Variants in NKAIN3 observed in about 807,000 individuals in gnomAD.
NKAIN3 encodes the protein sodium/potassium-transporting ATPase subunit beta-1-interacting protein 3.
In NKAIN3, 25 loss-of-function variants were observed where a neutral mutation model predicts 30.2. The ratio of observed to expected loss-of-function variants is 0.83; its 90% CI spans 0.60 to 1.16. The LOEUF (loss-of-function observed/expected upper bound fraction) is 1.16, where lower values mean the gene tolerates loss of function less well. NKAIN3 is among the 50% of genes most tolerant of loss of function. NKAIN3 has a pLI of 0.00. For synonymous variants in NKAIN3, 91 were observed against 89.6 expected (o/e 1.02, Z -0.09); for missense variants, 225 against 254.1 (o/e 0.89, Z 0.78).
At chr8:62,934,129 A>G (rs1822708823) in intron 5 of NKAIN3, among the ~76,000 whole-genome samples, 1 of 152,216 alleles carries the variant, frequency 6.6e-6, no homozygotes, top group Non-Finnish European at 1.5e-5. Flanking sequence ...ACGCACCTGT[A>G]ATCCCAGCAG....
intron 1 of NKAIN3, among the ~76,000 whole-genome samples, chr8:62,320,545 C>G (rs1814843905): frequency 6.6e-6 from 1 of 152,114 alleles, no homozygotes; most frequent in Non-Finnish European, 1.5e-5. Context: ...CAAAATCTCT[C>G]AGCATTTGCT....
intron 1 of NKAIN3, among the ~76,000 whole-genome samples, chr8:62,461,474 T>C (rs1026118837): frequency 1.1e-4 from 17 of 152,270 alleles, no homozygotes; most frequent in African/African-American, 4.1e-4. Context: ...AAGCAATCAA[T>C]AGCAACTATT....
chr8:62,290,251 T>C (rs1813543142), intron 1 of NKAIN3, among the ~76,000 whole-genome samples: 1 of 152,212 alleles, frequency 6.6e-6, no homozygotes, highest in African/African-American at 2.4e-5. Context: ...TCTTGCCTGA[T>C]TTCCCTGGCC....
At chr8:62,994,507 G>A (rs1213853034) in intron 5 of NKAIN3, among the ~76,000 whole-genome samples, 1 of 152,212 alleles carries the variant, frequency 6.6e-6, no homozygotes, top group Non-Finnish European at 1.5e-5. Context: ...ACAGATCAAG[G>A]AAGGAGACAT....
chr8:62,593,946 C>A (rs1264247612), intron 3 of NKAIN3, among the ~76,000 whole-genome samples: 1 of 151,938 alleles, frequency 6.6e-6, no homozygotes, highest in Non-Finnish European at 1.5e-5. Flanking sequence ...CAGATGTTGT[C>A]TTTAATTTCT....
In NKAIN3 at chr8:62,976,215, G is replaced by A. The variant is rs1272664779; in HGVS notation, c.*10808G>A. 6.6e-6 allele frequency among the ~76,000 whole-genome samples: 1 copy of A among 151,672 alleles called. No individual in the cohort carries two copies. The highest frequency in any genetic ancestry group is 2.4e-5 in the African/African-American group (1 of 41,268). ...TCTATTAGGTCTGCTTGGTCAAGAG[G>A]TGAGTTCAAGTCCTGAATATCCTTG... On this transcript the variant is annotated 3_prime_UTR_variant, in exon 7 of 7. Transcript: ENST00000623646.
intron 1 of NKAIN3, among the ~76,000 whole-genome samples, chr8:62,440,051 A>G (rs778154145): frequency 6.6e-6 from 1 of 152,104 alleles, no homozygotes; most frequent in Non-Finnish European, 1.5e-5. Context: ...TTTTAGCCAA[A>G]ATTGGGTCCT....
At chr8:62,557,270 GTA>G (rs1170772723) in intron 1 of NKAIN3, among the ~76,000 whole-genome samples, 1 of 152,072 alleles carries the variant, frequency 6.6e-6, no homozygotes, top group Non-Finnish European at 1.5e-5. Context: ...ATTGCATCAT[GTA>G]TATATACCAC....
chr8:62,618,379 T>C (rs1010644685), intron 3 of NKAIN3, among the ~76,000 whole-genome samples: 5 of 152,122 alleles, frequency 3.3e-5, no homozygotes, highest in African/African-American at 4.8e-5. Flanking sequence ...GATCCAAAAC[T>C]TCATGAGTCG....
chr8:62,517,495 G>A (rs890027231), intron 1 of NKAIN3, among the ~76,000 whole-genome samples: 20 of 152,174 alleles, frequency 1.3e-4, no homozygotes, highest in Admixed American at 5.9e-4. Context: ...AGAGAATACC[G>A]TATGATTTTT....
intron 3 of NKAIN3, among the ~76,000 whole-genome samples, chr8:62,686,720 C>A (rs1241763442): frequency 6.6e-6 from 1 of 152,158 alleles, no homozygotes; most frequent in Non-Finnish European, 1.5e-5. Flanking sequence ...TTACATCTTA[C>A]TTCAAACTAA....
intron 4 of NKAIN3, among the ~76,000 whole-genome samples, chr8:62,764,210 C>G (rs769339511): frequency 6.6e-6 from 1 of 152,162 alleles, no homozygotes; most frequent in Non-Finnish European, 1.5e-5. Flanking sequence ...TGTCAGCTAC[C>G]CTGTACTGAA....
In NKAIN3 at chr8:62,967,985, T is replaced by A. The variant is rs944356982; in HGVS notation, c.*2578T>A. Among the ~76,000 whole-genome samples the A allele has an allele frequency of 1.4e-4, 21 of 152,348 alleles. No individual in the cohort carries two copies. The highest frequency in any genetic ancestry group is 4.6e-4 in the African/African-American group (19 of 41,582). ...GTGATTTGTCTATGAATATTCAATG[T>A]AGGCAACTATTTAATATGGTGTATA... On this transcript the variant is annotated 3_prime_UTR_variant, in exon 7 of 7. Coordinates refer to ENST00000623646, the MANE Select transcript of NKAIN3 (RefSeq NM_001304533.3).
At chr8:62,767,111 G>T (rs1816863667) in intron 4 of NKAIN3, among the ~76,000 whole-genome samples, 1 of 152,006 alleles carries the variant, frequency 6.6e-6, no homozygotes, top group African/African-American at 2.4e-5. Flanking sequence ...TAGTTAGAGA[G>T]CTACACACTT....
At chr8:62,667,160 A>T (rs1475331869) in intron 3 of NKAIN3, among the ~76,000 whole-genome samples, 1 of 81,598 alleles carries the variant, frequency 1.2e-5, no homozygotes, top group African/African-American at 4.9e-5. Flanking sequence ...GGGTGGGGGG[A>T]GGGGAGAGGG....
At chr8:62,296,035 T>C (rs1047303098) in intron 1 of NKAIN3, among the ~76,000 whole-genome samples, 2 of 152,224 alleles carry the variant, frequency 1.3e-5, no homozygotes, top group Non-Finnish European at 2.9e-5. Context: ...TATTGAGTTA[T>C]TTCAAAAATC....
rs534317665 is a variant in NKAIN3, at chr8:62,983,168, G to A, written c.*17761G>A. 5.9e-5 allele frequency: 9 copies of A among 152,140 alleles called. No individual in the cohort carries two copies. Among genetic ancestry groups the A allele is most frequent in the Admixed American group, 1.3e-4 (2 of 15,276 alleles). 9.4% of individuals were successfully genotyped at this position (152,140 alleles called of 1,614,324 possible). ...CTGGGAGACAAATTATGATTGTTGC[G>A]TCCTTCTTTGAAAACACCCCTGCTG... On this transcript the variant is annotated 3_prime_UTR_variant, in exon 7 of 7. Transcript: ENST00000623646.
chr8:62,658,785 A>G (rs1648717264), intron 3 of NKAIN3, among the ~76,000 whole-genome samples: 3 of 152,164 alleles, frequency 2.0e-5, no homozygotes, highest in South Asian at 2.1e-4. Flanking sequence ...AAAGTAAAGT[A>G]TTACTCCTTT....
intron 1 of NKAIN3, among the ~76,000 whole-genome samples, chr8:62,287,304 A>G (rs554136873): frequency 1.3e-5 from 2 of 152,088 alleles, no homozygotes; most frequent in African/African-American, 2.4e-5. Context: ...TCATAATGAT[A>G]TTAGACTCAG....
Sources: allele counts gnomAD v4.1 joint callset (sites outside exome capture counted in the v4.1 genomes callset), GRCh38; gene constraint gnomAD v4.1.1; transcripts MANE v1.5; gene names NCBI Gene and HGNC (gene_info 2026-07-23, HGNC 2026-07-21).